SNTG1: variants seen among roughly 807,000 people sequenced by gnomAD.
The protein encoded by SNTG1 is gamma-1-syntrophin.
Under a neutral mutation model 74.7 loss-of-function variants are expected in SNTG1, and 39 were observed. The ratio of observed to expected loss-of-function variants is 0.52; its 90% CI spans 0.40 to 0.68. The LOEUF (loss-of-function observed/expected upper bound fraction) is 0.68, where lower values mean the gene tolerates loss of function less well. Ranked by LOEUF, SNTG1 falls within the 30% of genes least tolerant of loss-of-function variation. The pLI is 0.00. For missense variants in SNTG1, 685 were observed against 609.5 expected, an observed-to-expected ratio of 1.12 and a Z score of -1.30; for synonymous variants, 254 against 217.1, an observed-to-expected ratio of 1.17 and a Z score of -1.49.
In SNTG1 at chr8:49,948,965, G is replaced by A. The variant is rs541393848; in HGVS notation, c.-103+36734G>A. ...CACCCTTCTCTTTAAGTGCTGCAGA[G>A]CTTCTGAGATCACGCCTTCCACAGG... is the stretch of plus-strand genomic sequence containing the variant. On this transcript the variant is annotated intron_variant, in intron 1 of 18. Coordinates refer to ENST00000642720, the MANE Select transcript of SNTG1 (RefSeq NM_018967.5). 3.3e-5 allele frequency among the ~76,000 whole-genome samples: 5 copies of A among 152,290 alleles called. No homozygotes were observed. In the South Asian group the frequency reaches 1.0e-3, roughly 32 times the overall value.
In SNTG1 at chr8:50,554,827, T is replaced by C. The variant is rs182624034; in HGVS notation, c.810+1648T>C. 4.2e-3 allele frequency among the ~76,000 whole-genome samples: 643 copies of C among 152,178 alleles called. 9 individuals carry two copies. The highest frequency in any genetic ancestry group is 0.014 in the African/African-American group (582 of 41,514). ...GAATTTGTTACAGAAATGATTAGAG[T>C]TTCTTAAAAACAAGATATGAACTTA... On this transcript the variant is annotated intron_variant, in intron 12 of 18. Transcript: ENST00000642720.
intron 2 of SNTG1, among the ~76,000 whole-genome samples, chr8:50,266,684 G>GTGTGTGTGTGTA (rs371676511): frequency 7.3e-6 from 1 of 136,812 alleles, no homozygotes; most frequent in East Asian, 2.1e-4. Flanking sequence ...GTGTGTGTGT[G>GTGTGTGTGTGTA]TATATATATA....
At chr8:50,266,486 A>G (rs1001502563) in intron 2 of SNTG1, among the ~76,000 whole-genome samples, 4 of 151,984 alleles carry the variant, frequency 2.6e-5, no homozygotes, top group African/African-American at 9.7e-5. Context: ...AAAATCTTAC[A>G]GAGAAAATAG....
At chr8:50,139,159 C>T (rs2081577087) in intron 1 of SNTG1, among the ~76,000 whole-genome samples, 1 of 151,962 alleles carries the variant, frequency 6.6e-6, no homozygotes, top group African/African-American at 2.4e-5. Context: ...ATTTATGTTC[C>T]TATAGTTCAG....
At chr8:49,939,781 C>T (rs1268686321) in intron 1 of SNTG1, among the ~76,000 whole-genome samples, 2 of 152,156 alleles carry the variant, frequency 1.3e-5, no homozygotes, top group Non-Finnish European at 2.9e-5. Context: ...CCCTCAATTT[C>T]TCTATTCTGC....
At chr8:50,772,300 G>A (rs974908707) in intron 18 of SNTG1, among the ~76,000 whole-genome samples, 1 of 152,128 alleles carries the variant, frequency 6.6e-6, no homozygotes, top group Non-Finnish European at 1.5e-5. Flanking sequence ...TGTACACAGG[G>A]TGTGAGATAT....
At chr8:50,427,950 A>T (rs914445306) in intron 4 of SNTG1, among the ~76,000 whole-genome samples, 1 of 152,168 alleles carries the variant, frequency 6.6e-6, no homozygotes, top group Admixed American at 6.5e-5. Context: ...GAAACAGTAG[A>T]TTAGACAAAA....
intron 15 of SNTG1, among the ~76,000 whole-genome samples, chr8:50,664,074 GT>G (rs2095238793): frequency 6.6e-6 from 1 of 152,106 alleles, no homozygotes; most frequent in Non-Finnish European, 1.5e-5. Context: ...CATGTTACAC[GT>G]CTCAAAATTT....
At chr8:50,775,626 T>C (rs2095638686) in intron 18 of SNTG1, among the ~76,000 whole-genome samples, 1 of 151,708 alleles carries the variant, frequency 6.6e-6, no homozygotes, top group Admixed American at 6.6e-5. Flanking sequence ...GTTAGTTTGA[T>C]CTTGTCAGTT....
At chr8:50,107,277 C>T (rs186968489) in intron 1 of SNTG1, among the ~76,000 whole-genome samples, 2 of 152,030 alleles carry the variant, frequency 1.3e-5, no homozygotes, top group South Asian at 2.1e-4. Flanking sequence ...AGGTATGGAC[C>T]TTTTCCCCAT....
intron 1 of SNTG1, among the ~76,000 whole-genome samples, chr8:49,961,124 T>C (rs1207853798): frequency 1.3e-5 from 2 of 152,314 alleles, no homozygotes; most frequent in East Asian, 3.9e-4. Context: ...AGCTTGGTTA[T>C]GCAGGGTCAC....
chr8:50,535,039 C>A (rs533588483), intron 10 of SNTG1, among the ~76,000 whole-genome samples: 2 of 151,992 alleles, frequency 1.3e-5, no homozygotes, highest in East Asian at 1.9e-4. Context: ...TTACAGCTAC[C>A]AAGCCAGGCA....
chr8:50,363,388 G>A (rs1250582259), intron 2 of SNTG1, among the ~76,000 whole-genome samples: 9 of 152,188 alleles, frequency 5.9e-5, no homozygotes, highest in Non-Finnish European at 1.3e-4. Flanking sequence ...GGTGGCCGAA[G>A]GTGCAGAGCG....
intron 13 of SNTG1, among the ~76,000 whole-genome samples, chr8:50,652,866 T>C (rs1307646038): frequency 2.0e-5 from 3 of 151,988 alleles, no homozygotes; most frequent in Admixed American, 2.0e-4. Context: ...TATAAAAAAA[T>C]CTAAACATTA....
At chr8:50,754,906 T>C (rs1367015228) in intron 18 of SNTG1, among the ~76,000 whole-genome samples, 4 of 151,922 alleles carry the variant, frequency 2.6e-5, no homozygotes, top group African/African-American at 9.7e-5. Flanking sequence ...GTCTTTCTCT[T>C]TGACAAATGG....
chr8:50,196,956 T>G lies in SNTG1; in HGVS notation c.-28+24321T>G, dbSNP rs577904530. On this transcript the variant is annotated intron_variant, in intron 2 of 18. Coordinates refer to ENST00000642720, the MANE Select transcript of SNTG1 (RefSeq NM_018967.5). ...GAGATCATGCCACGGCACTCCAGCC[T>G]GAGTGACAGAGCCAGATTCTGTCTC... Among the ~76,000 whole-genome samples, 5 of 152,134 alleles carry G rather than the reference T, an allele frequency of 3.3e-5. No individual in the cohort carries two copies. The South Asian group carries it at 8.3e-4, about 25-fold the overall frequency.
rs5891365 is a variant in SNTG1, at chr8:50,442,680, T to TAA, written c.219+4107_219+4108dup. Among the ~76,000 whole-genome samples, 14 of 81,196 alleles carry TAA rather than the reference T, an allele frequency of 1.7e-4. 1 individual carries two copies. Among genetic ancestry groups the TAA allele is most frequent in the African/African-American group, 5.6e-4 (11 of 19,642 alleles). 53.3% of individuals were successfully genotyped at this position (81,196 alleles called of 152,430 possible). A position where few individuals can be genotyped will look rare whatever the true frequency, so the allele number is the denominator to read the frequency against. ...TTCTTTGTATTAATTTGTCTATCAG[T>TAA]AAAAAAAAAAAAAAAAAAAAAAAAA... On this transcript the variant is annotated intron_variant, in intron 5 of 18. Coordinates refer to ENST00000642720, the MANE Select transcript of SNTG1 (RefSeq NM_018967.5).
intron 2 of SNTG1, among the ~76,000 whole-genome samples, chr8:50,352,202 G>GTTATC (rs1256107620): frequency 1.1e-4 from 17 of 152,130 alleles, no homozygotes; most frequent in Non-Finnish European, 2.2e-4. Context: ...ACTGTTAAGG[G>GTTATC]TAAGTAAAAT....
intron 2 of SNTG1, among the ~76,000 whole-genome samples, chr8:50,265,172 A>G (rs1311636291): frequency 3.9e-5 from 6 of 152,146 alleles, no homozygotes; most frequent in Non-Finnish European, 7.4e-5. Context: ...TAAAAAGACA[A>G]CACAAAGAAA....
Sources: gnomAD v4.1 joint callset for allele counts (sites outside exome capture counted in the v4.1 genomes callset) on GRCh38, gnomAD v4.1.1 for gene constraint, MANE v1.5 for transcripts, NCBI Gene and HGNC (gene_info 2026-07-23, HGNC 2026-07-21) for gene names.